Variants in USP54 observed in about 807,000 individuals in gnomAD.
USP54 encodes ubiquitin specific peptidase 54.
In USP54, 87 loss-of-function variants were observed where a neutral mutation model predicts 170.5. The ratio of observed to expected loss-of-function variants is 0.51; its 90% CI spans 0.43 to 0.61. USP54 has a LOEUF of 0.61. Ranked by LOEUF, USP54 falls within the 20% of genes least tolerant of loss-of-function variation. USP54 has a pLI of 0.00. For missense variants in USP54, 1,786 were observed against 2,047.8 expected (o/e 0.87, Z 2.47); for synonymous variants, 655 against 742.8 (o/e 0.88, Z 1.92).
At position 73,530,845 on chromosome 10, in the gene USP54, C is replaced by T; in HGVS notation, c.1316-10G>A. ...CTATCAGTCAGGTGTCCTGAAAAAA[C>T]AAGGAAATTGGGGTAAGCTGGTATC... On this transcript the variant is annotated splice_polypyrimidine_tract_variant and intron_variant, in intron 12 of 23. Transcript: ENST00000687698. 6.2e-7 allele frequency: 1 copy of T among 1,613,646 alleles called. No homozygotes were observed. Among genetic ancestry groups the T allele is most frequent in the Non-Finnish European group, 8.5e-7 (1 of 1,179,712 alleles).
At chr10:73,523,872 A>T in intron 16 of USP54, 122 bp from the exon 17 acceptor site, 1 of 122,024 alleles carries the variant, frequency 8.2e-6, no homozygotes, top group Non-Finnish European at 1.2e-5. Flanking sequence ...GAGTTTATTT[A>T]TTTATTATTT....
chr10:73,536,237 A>C, intron 11 of USP54, 32 bp downstream of exon 11: 1 of 1,611,422 alleles, frequency 6.2e-7, no homozygotes, highest in Non-Finnish European at 8.5e-7. Context: ...TGGGGTGAGG[A>C]GAGAGGAGAG....
intron 4 of USP54, among the ~76,000 whole-genome samples, chr10:73,565,997 A>T (rs2073693009): frequency 6.6e-6 from 1 of 152,072 alleles, no homozygotes; most frequent in Non-Finnish European, 1.5e-5. Context: ...TTGGGAGGCC[A>T]AGGAGGGCAG....
In USP54 at chr10:73,539,392, T is replaced by C. The variant is rs912206793; in HGVS notation, c.975+52A>G. 5.6e-6 allele frequency: 8 copies of C among 1,438,750 alleles called. No homozygotes were observed. The African/African-American group carries it at 8.4e-5, about 15-fold the overall frequency. The allele number at this position is 1,438,750 out of a possible 1,614,324, so 89.1% of individuals were successfully genotyped here. ...TGAAACACTAAAGACAAATGATTAT[T>C]CTTTTTTTTTGTAGTCACCAAACAC... On this transcript the variant is annotated intron_variant, in intron 10 of 23. Transcript: ENST00000687698.
At chr10:73,527,590 A>C (rs1014694872) in intron 15 of USP54, among the ~76,000 whole-genome samples, 3 of 151,846 alleles carry the variant, frequency 2.0e-5, no homozygotes, top group Admixed American at 2.0e-4. Context: ...TATAAAGCAA[A>C]CTGAGCCCTA....
In USP54 at chr10:73,541,498, C is replaced by T. The variant is rs1213850040; in HGVS notation, c.702G>A (p.Arg234=). 8.1e-6 allele frequency: 13 copies of T among 1,614,186 alleles called. No homozygotes were observed. The highest frequency in any genetic ancestry group is 1.0e-5 in the Non-Finnish European group (12 of 1,180,044). Residue 234 remains arginine (R), a synonymous_variant, in exon 9 of 24, where the codon AGG becomes AGA. Coordinates refer to ENST00000687698, the MANE Select transcript of USP54 (RefSeq NM_001391956.1). ...NCPSNCGERI[R]IRRVLMNAPQ... ...GAGCATTCATCAACACACGGCGAAT[C>T]CTGATCCTCTCTCCACAGTTGCTCT... is the stretch of plus-strand genomic sequence containing the variant.
intron 4 of USP54, among the ~76,000 whole-genome samples, chr10:73,552,517 G>T (rs192971235): frequency 6.6e-6 from 1 of 152,252 alleles, no homozygotes; most frequent in South Asian, 2.1e-4. Context: ...TCAGCCGGGC[G>T]TGGTGGCCCA....
At chr10:73,518,180 AAG>A in intron 19 of USP54, 1 of 985,430 alleles carries the variant, frequency 1.0e-6, no homozygotes, top group Non-Finnish European at 1.2e-6. Flanking sequence ...ACAGGGAGGC[AAG>A]TCCTACCTGG....
intron 22 of USP54, among the ~76,000 whole-genome samples, chr10:73,501,133 A>T (rs1476451319): frequency 6.6e-6 from 1 of 152,222 alleles, no homozygotes; most frequent in Non-Finnish European, 1.5e-5. Flanking sequence ...CAGTAGAATT[A>T]GAGAGATTGA....
intron 5 of USP54, among the ~76,000 whole-genome samples, chr10:73,543,915 G>A (rs1235285878): frequency 1.3e-5 from 2 of 151,214 alleles, no homozygotes; most frequent in African/African-American, 4.9e-5. Context: ...TTTCAAGAAT[G>A]TTATATAAAT....
intron 4 of USP54, among the ~76,000 whole-genome samples, chr10:73,569,970 A>T (rs1439984486): frequency 6.7e-6 from 1 of 149,308 alleles, no homozygotes; most frequent in Non-Finnish European, 1.5e-5. Flanking sequence ...GGTCAAAAAA[A>T]ATTTTGAGTC....
rs2076058407 is a variant in USP54 at position 73,575,941 on chromosome 10, C to T, written c.-161G>A. 4 of 228,480 alleles carry T rather than the reference C, an allele frequency of 1.8e-5. No homozygotes were observed. Among genetic ancestry groups the T allele is most frequent in the Non-Finnish European group, 2.5e-5 (3 of 118,624 alleles). 14.2% of individuals were successfully genotyped at this position (228,480 alleles called of 1,614,324 possible). A position where few individuals can be genotyped will look rare whatever the true frequency, so the allele number is the denominator to read the frequency against. On this transcript the variant is annotated 5_prime_UTR_variant, in exon 2 of 24. Transcript: ENST00000687698. ...CAAACAGAGAAATCCTTAAGTATTG[C>T]TTCCTTCTATTTTTCTTGAACAGCC...
chr10:73,564,016 C>A (rs1390586888), intron 4 of USP54, among the ~76,000 whole-genome samples: 1 of 150,572 alleles, frequency 6.6e-6, no homozygotes, highest in Non-Finnish European at 1.5e-5. Flanking sequence ...AAAAAAAAAA[C>A]ACTGAGACAG....
At chr10:73,561,286 CT>C (rs1443259838) in intron 4 of USP54, among the ~76,000 whole-genome samples, 1 of 151,992 alleles carries the variant, frequency 6.6e-6, no homozygotes, top group Non-Finnish European at 1.5e-5. Flanking sequence ...ATGCTAAATA[CT>C]ATTAAGTCAA....
chr10:73,568,863 T>A (rs1375322271), intron 4 of USP54, among the ~76,000 whole-genome samples: 3 of 152,246 alleles, frequency 2.0e-5, no homozygotes, highest in African/African-American at 7.2e-5. Context: ...TCTGTACTTG[T>A]GTGTCTCAGA....
chr10:73,554,426 C>T (rs1590329589), intron 4 of USP54, among the ~76,000 whole-genome samples: 4 of 152,316 alleles, frequency 2.6e-5, no homozygotes, highest in Admixed American at 2.6e-4. Context: ...TCTTTGTAAA[C>T]ACTACCCTCT....
intron 1 of USP54, among the ~76,000 whole-genome samples, chr10:73,581,853 C>T (rs2076937747): frequency 6.6e-6 from 1 of 152,074 alleles, no homozygotes; most frequent in African/African-American, 2.4e-5. Context: ...GTCAACAGGG[C>T]TAAATTGAAA....
chr10:73,560,910 C>A (rs1442632332), intron 4 of USP54, among the ~76,000 whole-genome samples: 1 of 150,748 alleles, frequency 6.6e-6, no homozygotes, highest in Non-Finnish European at 1.5e-5. Flanking sequence ...CGAGACCAGC[C>A]TGGCCAATAT....
chr10:73,610,308 C>T (rs926915331), intron 1 of USP54, among the ~76,000 whole-genome samples: 1 of 152,180 alleles, frequency 6.6e-6, no homozygotes, highest in Non-Finnish European at 1.5e-5. Flanking sequence ...TCACTGACTT[C>T]CTGCCAGCTT....
Sources: gnomAD v4.1 joint callset for allele counts (sites outside exome capture counted in the v4.1 genomes callset) on GRCh38, gnomAD v4.1.1 for gene constraint, MANE v1.5 for transcripts, NCBI Gene and HGNC (gene_info 2026-07-23, HGNC 2026-07-21) for gene names.